The following SYN3 variants were observed in gnomAD, a reference collection of about 807,000 sequenced individuals.
SYN3 encodes synapsin-3.
A neutral mutation model predicts 65.8 loss-of-function variants in SYN3; 35 were observed. That is an observed-to-expected ratio of 0.53 (90% CI 0.41 to 0.70). The LOEUF is 0.70. Ranked by LOEUF, SYN3 falls within the 30% of genes least tolerant of loss-of-function variation. The pLI is 0.00. For synonymous variants in SYN3, 270 were observed against 292.9 expected (o/e 0.92, Z 0.80); for missense variants, 680 against 749.0 (o/e 0.91, Z 1.08).
chr22:32,898,887 G>T (rs1478656173), intron 4 of SYN3, among the ~76,000 whole-genome samples: 1 of 152,168 alleles, frequency 6.6e-6, no homozygotes, highest in African/African-American at 2.4e-5. Context: ...TGGATCACGA[G>T]GTCAGGAGAC....
chr22:32,952,327 G>A (rs565532282), intron 3 of SYN3, among the ~76,000 whole-genome samples: 1 of 151,676 alleles, frequency 6.6e-6, no homozygotes, highest in African/African-American at 2.4e-5. Flanking sequence ...CAGGCAGGGT[G>A]GGGAGGGATA....
chr22:32,885,149 T>C (rs2049253644), intron 4 of SYN3, among the ~76,000 whole-genome samples: 1 of 123,628 alleles, frequency 8.1e-6, no homozygotes, highest in South Asian at 2.4e-4. Flanking sequence ...TTATGCACCA[T>C]GGAGTTGGGT....
At chr22:32,599,771 C>T (rs1296185068) in intron 6 of SYN3, among the ~76,000 whole-genome samples, 3 of 152,094 alleles carry the variant, frequency 2.0e-5, no homozygotes, top group African/African-American at 7.2e-5. Flanking sequence ...TGCGTGGGCA[C>T]GACTGAATGA....
At chr22:32,885,534 C>T (rs541306133) in intron 4 of SYN3, among the ~76,000 whole-genome samples, 4 of 152,012 alleles carry the variant, frequency 2.6e-5, no homozygotes, top group African/African-American at 9.6e-5. Flanking sequence ...CATCTCAGGC[C>T]TCCCTGGTCA....
intron 3 of SYN3, among the ~76,000 whole-genome samples, chr22:32,977,764 G>A (rs568584480): frequency 2.0e-5 from 3 of 150,518 alleles, no homozygotes; most frequent in African/African-American, 4.9e-5. Context: ...AAAAAGAAGC[G>A]GTGACTTATC....
intron 6 of SYN3, among the ~76,000 whole-genome samples, chr22:32,823,848 A>T (rs1385003485): frequency 6.6e-6 from 1 of 152,136 alleles, no homozygotes; most frequent in Non-Finnish European, 1.5e-5. Flanking sequence ...CACTCCTATA[A>T]GATGGTACAT....
chr22:32,854,501 G>T (rs2048309754), intron 6 of SYN3, among the ~76,000 whole-genome samples: 1 of 152,178 alleles, frequency 6.6e-6, no homozygotes, highest in Non-Finnish European at 1.5e-5. Flanking sequence ...CCTAGAGCGA[G>T]TGCTTAGTTG....
intron 4 of SYN3, among the ~76,000 whole-genome samples, chr22:32,911,842 T>G (rs1569320974): frequency 6.6e-6 from 1 of 152,022 alleles, no homozygotes; most frequent in Non-Finnish European, 1.5e-5. Flanking sequence ...GCCCCAATGC[T>G]CTGTCACCAG....
At chr22:32,556,629 T>C (rs959020375) in intron 7 of SYN3, among the ~76,000 whole-genome samples, 1 of 151,950 alleles carries the variant, frequency 6.6e-6, no homozygotes, top group Non-Finnish European at 1.5e-5. Context: ...CTTTTGGAGT[T>C]CTCCTCTAAC....
At chr22:32,954,616 T>C (rs1031463374) in intron 3 of SYN3, among the ~76,000 whole-genome samples, 4 of 152,120 alleles carry the variant, frequency 2.6e-5, no homozygotes, top group Non-Finnish European at 4.4e-5. Flanking sequence ...TCTGGGTGCA[T>C]TAAGATCAAG....
chr22:32,946,328 G>C (rs982289800), intron 3 of SYN3, among the ~76,000 whole-genome samples: 1 of 152,184 alleles, frequency 6.6e-6, no homozygotes, highest in Non-Finnish European at 1.5e-5. Flanking sequence ...TTAAGAAAAT[G>C]TGGCACATAT....
intron 4 of SYN3, among the ~76,000 whole-genome samples, chr22:32,885,129 C>A (rs1467804345): frequency 2.0e-5 from 3 of 149,412 alleles, no homozygotes; most frequent in African/African-American, 7.4e-5. Flanking sequence ...TAAAAGCATT[C>A]ATAAGAATTT....
rs145807673 is a variant in SYN3 at position 32,927,850 on chromosome 22, A to T, written c.461+3540T>A. Reference sequence around the variant, plus strand: ...TTTATTTTGCCATCATTCATAAAAGATGTTTCTCTGAGGATAGAATTATAG... The same window carrying T: ...TTTATTTTGCCATCATTCATAAAAGTTGTTTCTCTGAGGATAGAATTATAG... On this transcript the variant is annotated intron_variant, in intron 4 of 13. Coordinates refer to ENST00000358763, the MANE Select transcript of SYN3 (RefSeq NM_003490.4). Among the ~76,000 whole-genome samples, 322 of 152,282 alleles carry T rather than the reference A, an allele frequency of 2.1e-3. 1 individual carries two copies. The highest frequency in any genetic ancestry group is 3.8e-3 in the Non-Finnish European group (259 of 68,024).
chr22:32,860,119 A>G (rs2048495364), intron 6 of SYN3: 1 of 152,236 alleles, frequency 6.6e-6, no homozygotes, highest in Non-Finnish European at 1.5e-5. Context: ...AGACTTAAAC[A>G]TCTGCCTGAG....
At chr22:32,572,429 T>G in intron 7 of SYN3, among the ~76,000 whole-genome samples, 1 of 107,822 alleles carries the variant, frequency 9.3e-6, no homozygotes, top group Non-Finnish European at 1.9e-5. Flanking sequence ...CCTTCTTCCT[T>G]CCTTCCTTCC....
chr22:32,866,392 G>A (rs541220711), intron 5 of SYN3, among the ~76,000 whole-genome samples: 16 of 152,196 alleles, frequency 1.1e-4, no homozygotes, highest in Non-Finnish European at 2.1e-4. Flanking sequence ...GGAAAACGAT[G>A]TATGTGTGTG....
intron 13 of SYN3, 30 bp downstream of exon 13, chr22:32,518,013 T>C: frequency 3.3e-6 from 5 of 1,508,812 alleles, no homozygotes; most frequent in Non-Finnish European, 4.4e-6. Flanking sequence ...AGCTCTATCC[T>C]ATACCTTTTC....
intron 6 of SYN3, among the ~76,000 whole-genome samples, chr22:32,791,244 T>G (rs1204475880): frequency 6.6e-6 from 1 of 152,226 alleles, no homozygotes; most frequent in African/African-American, 2.4e-5. Flanking sequence ...TATTGTTTGA[T>G]CTTTGCAGCT....
intron 1 of SYN3, among the ~76,000 whole-genome samples, chr22:33,053,339 C>T (rs994872607): frequency 1.3e-5 from 2 of 152,134 alleles, no homozygotes; most frequent in African/African-American, 2.4e-5. Flanking sequence ...AGGAGAATCA[C>T]TTGAACCCAG....
Sources: gnomAD v4.1 joint callset for allele counts (sites outside exome capture counted in the v4.1 genomes callset) on GRCh38, gnomAD v4.1.1 for gene constraint, MANE v1.5 for transcripts, NCBI Gene and HGNC (gene_info 2026-07-23, HGNC 2026-07-21) for gene names.